Variants in EPB41L3 observed in about 807,000 individuals in gnomAD.
EPB41L3 encodes erythrocyte membrane protein band 4.1 like 3, also known as band 4.1-like protein 3.
EPB41L3 carries 57 observed loss-of-function variants against 127.1 expected under a neutral mutation model. That is an observed-to-expected ratio of 0.45 (90% confidence interval 0.36 to 0.56). EPB41L3 has a LOEUF of 0.56. Among genes scored for constraint, EPB41L3 ranks in the 20% least tolerant of loss-of-function variants. The pLI, the probability that EPB41L3 is intolerant of heterozygous loss-of-function variation, is 0.00. For missense variants in EPB41L3, 1,273 were observed against 1,372.2 expected, an observed-to-expected ratio of 0.93 and a Z score of 1.14; for synonymous variants, 572 against 549.5, an observed-to-expected ratio of 1.04 and a Z score of -0.57.
At chr18:5,565,500 A>T (rs945320540) in intron 3 of EPB41L3, among the ~76,000 whole-genome samples, 3 of 151,684 alleles carry the variant, frequency 2.0e-5, no homozygotes, top group African/African-American at 7.3e-5. Context: ...ACATGTGCAC[A>T]ACGTGCAGGT....
chr18:5,421,114 G>C (rs1598726988), intron 11 of EPB41L3, among the ~76,000 whole-genome samples: 1 of 152,304 alleles, frequency 6.6e-6, no homozygotes, highest in Middle Eastern at 3.4e-3. Flanking sequence ...ACCGCAAGGA[G>C]TGAGAGACAA....
chr18:5,621,597 G>A (rs1035968130), intron 1 of EPB41L3, among the ~76,000 whole-genome samples: 12 of 152,074 alleles, frequency 7.9e-5, no homozygotes, highest in Non-Finnish European at 1.6e-4. Context: ...AAAAAATAGC[G>A]AGATATGGTG....
intron 3 of EPB41L3, among the ~76,000 whole-genome samples, chr18:5,445,975 C>G (rs1028329186): frequency 4.6e-5 from 7 of 152,076 alleles, no homozygotes; most frequent in African/African-American, 1.7e-4. Context: ...GAAACTGGTC[C>G]CTGGTGCCAA....
intron 4 of EPB41L3, 114 bp from the exon 5 acceptor site, chr18:5,443,994 C>G: frequency 1.2e-6 from 1 of 850,420 alleles, no homozygotes; most frequent in Admixed American, 2.5e-5. Flanking sequence ...CGTGGGAAGG[C>G]TTCCCTTACT....
chr18:5,457,799 T>C (rs2083351596), intron 3 of EPB41L3, among the ~76,000 whole-genome samples: 1 of 152,142 alleles, frequency 6.6e-6, no homozygotes, highest in South Asian at 2.1e-4. Flanking sequence ...CTTCTACCCG[T>C]TCGTCCTTCT....
In EPB41L3 at chr18:5,424,362, A is replaced by G. The variant is rs1271036195; in HGVS notation, c.1066-3T>C. 6.3e-7 allele frequency: 1 copy of G among 1,579,618 alleles called. No individual in the cohort carries two copies. Among genetic ancestry groups the G allele is most frequent in the South Asian group, 1.2e-5 (1 of 84,294 alleles). ...ATGGTGCTTTCAAATTGTTCAAACT[A>G]AATAAAAAAAAATACATTGAAGAGT... On this transcript the variant is annotated splice_region_variant and splice_polypyrimidine_tract_variant and intron_variant, in intron 9 of 22. Transcript: ENST00000341928.
intron 3 of EPB41L3, among the ~76,000 whole-genome samples, chr18:5,600,224 A>G (rs963363226): frequency 1.3e-5 from 2 of 152,232 alleles, no homozygotes; most frequent in Admixed American, 6.5e-5. Context: ...GAGGCATGGC[A>G]AACTGTCTCA....
intron 3 of EPB41L3, among the ~76,000 whole-genome samples, chr18:5,472,616 T>C (rs2086367060): frequency 6.6e-6 from 1 of 152,220 alleles, no homozygotes; most frequent in South Asian, 2.1e-4. Context: ...ATTAATATTC[T>C]TGTAATTCAA....
intron 1 of EPB41L3, among the ~76,000 whole-genome samples, chr18:5,496,618 T>C (rs574775301): frequency 6.6e-6 from 1 of 152,238 alleles, no homozygotes; most frequent in African/African-American, 2.4e-5. Context: ...CAGACTAGGA[T>C]TCCTGAACTT....
chr18:5,488,919 T>G, intron 2 of EPB41L3, 82 bp downstream of exon 2: 1 of 1,434,644 alleles, frequency 7.0e-7, no homozygotes, highest in South Asian at 1.4e-5. Flanking sequence ...TAGCTGCCTC[T>G]AGGGCTAAGA....
At chr18:5,466,474 G>A (rs2085009959) in intron 3 of EPB41L3, 1 of 152,152 alleles carries the variant, frequency 6.6e-6, no homozygotes, top group South Asian at 2.1e-4. Flanking sequence ...CCACGACAGG[G>A]CCTTCAACAG....
At chr18:5,506,230 TAAATAA>T (rs2092188567) in intron 1 of EPB41L3, among the ~76,000 whole-genome samples, 1 of 152,054 alleles carries the variant, frequency 6.6e-6, no homozygotes, top group South Asian at 2.1e-4. Context: ...TTTTACAATA[TAAATAA>T]AAACATGTCA....
At position 5,397,734 on chromosome 18, in the gene EPB41L3, G is replaced by A. The variant is rs1311506086; in HGVS notation, c.2472+287C>T. Among the ~76,000 whole-genome samples, 1 of 152,116 alleles carries A rather than the reference G, an allele frequency of 6.6e-6. No homozygotes were observed. Among genetic ancestry groups the A allele is most frequent in the African/African-American group, 2.4e-5 (1 of 41,420 alleles). ...ATTGCAGCGCATTCACGTTGGTTTT[G>A]GCTGCTTTCTTAGACTCAACTGGTG... On this transcript the variant is annotated intron_variant, in intron 17 of 22. Coordinates refer to ENST00000341928, the MANE Select transcript of EPB41L3 (RefSeq NM_012307.5). This position sits in a 1 kb window ranked among gnomAD's most constrained non-coding sequence, Gnocchi z 4.1.
chr18:5,424,124 TTTC>T (rs1456961101), intron 10 of EPB41L3, 135 bp downstream of exon 10: 6 of 628,276 alleles, frequency 9.5e-6, no homozygotes, highest in South Asian at 4.1e-5. Context: ...TCTCTTAGGA[TTTC>T]TTATCAAGAA....
At position 5,511,391 on chromosome 18, in the gene EPB41L3, G is replaced by GTTTTTTTTT. The variant is rs1190047630; in HGVS notation, c.-11-22206_-11-22198dup. Among the ~76,000 whole-genome samples the GTTTTTTTTT allele has an allele frequency of 5.3e-3, 318 of 59,828 alleles. 12 individuals are homozygous for GTTTTTTTTT. Among genetic ancestry groups the GTTTTTTTTT allele is most frequent in the African/African-American group, 9.6e-3 (141 of 14,708 alleles). The allele number at this position is 59,828 out of a possible 152,430, so 39.2% of individuals were successfully genotyped here. A position where few individuals can be genotyped will look rare whatever the true frequency, so the allele number is the denominator to read the frequency against. Reference sequence around the variant, plus strand: ...CTTTAATAGCTGTGGAGGTATTTTGGTTTTTTTTTTTTTTTTTTTTTTTTT... The same window carrying GTTTTTTTTT: ...CTTTAATAGCTGTGGAGGTATTTTGGTTTTTTTTTTTTTTTTTTTTTTTTTTTTTTTTTT... On this transcript the variant is annotated intron_variant, in intron 1 of 22. Coordinates refer to ENST00000341928, the MANE Select transcript of EPB41L3 (RefSeq NM_012307.5).
chr18:5,416,847 T>G (rs1048761631), intron 12 of EPB41L3, among the ~76,000 whole-genome samples: 2 of 151,890 alleles, frequency 1.3e-5, no homozygotes, highest in Non-Finnish European at 2.9e-5. Context: ...ATCCAGATTT[T>G]GATTAAAAAA....
intron 3 of EPB41L3, among the ~76,000 whole-genome samples, chr18:5,576,810 C>T (rs1196671308): frequency 6.6e-6 from 1 of 152,220 alleles, no homozygotes; most frequent in Non-Finnish European, 1.5e-5. Flanking sequence ...CTGTGTAATT[C>T]TTGGCACAAA....
At chr18:5,602,177 G>A (rs765172187) in intron 3 of EPB41L3, among the ~76,000 whole-genome samples, 3 of 152,156 alleles carry the variant, frequency 2.0e-5, no homozygotes, top group African/African-American at 7.2e-5. Context: ...ATAACATCAA[G>A]TGTTTCAATT....
intron 3 of EPB41L3, among the ~76,000 whole-genome samples, chr18:5,568,399 T>A (rs2094234431): frequency 6.9e-6 from 1 of 144,852 alleles, no homozygotes; most frequent in Non-Finnish European, 1.5e-5. Flanking sequence ...CTCTCTTCTC[T>A]ATGGTTTCTA....
Sources: allele counts gnomAD v4.1 joint callset (sites outside exome capture counted in the v4.1 genomes callset), GRCh38; gene constraint gnomAD v4.1.1; non-coding constraint Gnocchi (gnomAD v3.1); transcripts MANE v1.5; gene names NCBI Gene and HGNC (gene_info 2026-07-23, HGNC 2026-07-21).